The following ZC3H7B variants were observed in gnomAD, a reference collection of about 807,000 sequenced individuals.
ZC3H7B encodes zinc finger CCCH-type containing 7B.
A neutral mutation model predicts 116.0 loss-of-function variants in ZC3H7B; 35 were observed. The ratio of observed to expected loss-of-function variants is 0.30; its 90% CI spans 0.23 to 0.40. The LOEUF is 0.40. Among genes scored for constraint, ZC3H7B ranks in the 10% least tolerant of loss-of-function variants. The probability of loss-of-function intolerance (pLI) is 1.00; values close to 1 mark genes in which losing one functional copy is unlikely to be tolerated. For missense variants in ZC3H7B, 1,011 were observed against 1,321.5 expected (o/e 0.77, Z 3.64); for synonymous variants, 502 against 545.6 (o/e 0.92, Z 1.11).
At chr22:41,314,030 T>C (rs6002328) in intron 1 of ZC3H7B, among the ~76,000 whole-genome samples, 56,055 of 151,246 alleles carry the variant, frequency 0.37, 11,044 homozygotes, top group Admixed American at 0.52. Context: ...GCTCGGATTA[T>C]AGGCGTCAGC....
At position 41,330,142 on chromosome 22, in the gene ZC3H7B, G is replaced by T. The variant is rs750945310; in HGVS notation, c.525+39G>T. The T allele has an allele frequency of 3.7e-6, 6 of 1,608,988 alleles. No individual in the cohort carries two copies. In the African/African-American group the frequency reaches 8.0e-5, roughly 21 times the overall value. The stretch of plus-strand genomic sequence containing the variant: ...GGACCCTGGGAGGGTCGGTGTGGAC[G>T]TGAGGAGGTCTGAAGGGAGGGACCA... On this transcript the variant is annotated intron_variant, in intron 6 of 22. Transcript: ENST00000352645.
intron 11 of ZC3H7B, 56 bp from the exon 12 acceptor site, chr22:41,342,473 C>T: frequency 6.4e-7 from 1 of 1,565,128 alleles, no homozygotes; most frequent in Non-Finnish European, 8.8e-7. Flanking sequence ...CTGGCTGGCC[C>T]CAGTGGCCTC....
intron 1 of ZC3H7B, among the ~76,000 whole-genome samples, chr22:41,309,826 G>A (rs2036094648): frequency 6.6e-6 from 1 of 152,100 alleles, no homozygotes; most frequent in East Asian, 1.9e-4. Context: ...ATGGTTATTT[G>A]TTGAATAAAT....
intron 15 of ZC3H7B, 100 bp downstream of exon 15, chr22:41,348,267 T>C: frequency 9.4e-7 from 1 of 1,067,110 alleles, no homozygotes; most frequent in Non-Finnish European, 1.4e-6. Context: ...AAAGGGTGGA[T>C]GTAGGGTGCA....
At chr22:41,324,176 T>C (rs1156308255) in intron 2 of ZC3H7B, among the ~76,000 whole-genome samples, 2 of 151,830 alleles carry the variant, frequency 1.3e-5, no homozygotes, top group Non-Finnish European at 2.9e-5. Flanking sequence ...GATGGGGTCT[T>C]TAGTGGGGGC....
Position 41,357,827 on chromosome 22 carries a change from C to A in ZC3H7B, c.*398C>A. 3.9e-6 allele frequency: 1 copy of A among 253,232 alleles called. No individual in the cohort carries two copies. Among genetic ancestry groups the A allele is most frequent in the Non-Finnish European group, 7.7e-6 (1 of 129,098 alleles). The allele number at this position is 253,232 out of a possible 1,614,324, so 15.7% of individuals were successfully genotyped here. Reference sequence around the variant, plus strand: ...AGCAGGAGGGTCCTTCTCTCCCTGGCCCGTCCTCCTCCCACCCCCTCCCCC... The same window carrying A: ...AGCAGGAGGGTCCTTCTCTCCCTGGACCGTCCTCCTCCCACCCCCTCCCCC... On this transcript the variant is annotated 3_prime_UTR_variant, in exon 23 of 23. Transcript: ENST00000352645. The surrounding 1 kb of genome is among the most constrained non-coding windows in gnomAD (Gnocchi z 5.4).
intron 2 of ZC3H7B, among the ~76,000 whole-genome samples, chr22:41,324,354 C>T (rs1233737967): frequency 1.3e-5 from 2 of 152,204 alleles, no homozygotes; most frequent in African/African-American, 4.8e-5. Context: ...CCTCTGCCCA[C>T]CTCTCACGCA....
chr22:41,302,856 C>T lies in ZC3H7B; in HGVS notation c.-7+1084C>T, dbSNP rs903874373. Among the ~76,000 whole-genome samples, 3 of 151,596 alleles carry T rather than the reference C, an allele frequency of 2.0e-5. No individual in the cohort carries two copies. Among genetic ancestry groups the T allele is most frequent in the Admixed American group, 6.6e-5 (1 of 15,208 alleles). ...GGAGTCTGGGGGCTCTAAAAGGGGGCTGGGCCTGAGTGGGGAGCTGGTGAT... is the reference window on the plus strand; with the variant it reads ...GGAGTCTGGGGGCTCTAAAAGGGGGTTGGGCCTGAGTGGGGAGCTGGTGAT... On this transcript the variant is annotated intron_variant, in intron 1 of 22. Coordinates refer to ENST00000352645, the MANE Select transcript of ZC3H7B (RefSeq NM_017590.6). The surrounding 1 kb of genome is among the most constrained non-coding windows in gnomAD (Gnocchi z 5.7).
At chr22:41,318,494 A>C (rs1460697069) in intron 1 of ZC3H7B, among the ~76,000 whole-genome samples, 2 of 135,918 alleles carry the variant, frequency 1.5e-5, no homozygotes, top group African/African-American at 5.7e-5. Context: ...GTGCCACTGC[A>C]CTCCAGCCTG....
intron 1 of ZC3H7B, among the ~76,000 whole-genome samples, chr22:41,316,235 C>T (rs184079342): frequency 8.5e-5 from 13 of 152,104 alleles, no homozygotes; most frequent in South Asian, 2.1e-4. Context: ...TCAGGTTATC[C>T]GCCAACCTTG....
At chr22:41,313,951 C>T (rs1439477790) in intron 1 of ZC3H7B, among the ~76,000 whole-genome samples, 1 of 150,654 alleles carries the variant, frequency 6.6e-6, no homozygotes, top group Non-Finnish European at 1.5e-5. Flanking sequence ...GACGGGTTTT[C>T]ACTATGTTGG....
intron 10 of ZC3H7B, 55 bp downstream of exon 10, chr22:41,340,192 G>C (rs968703896): frequency 3.2e-5 from 48 of 1,514,672 alleles, no homozygotes; most frequent in Non-Finnish European, 4.3e-5. Context: ...ACAGTGCTGT[G>C]GCCTCTTTGG....
chr22:41,339,221 C>G (rs1184757015), intron 9 of ZC3H7B, 30 bp downstream of exon 9: 3 of 1,575,292 alleles, frequency 1.9e-6, no homozygotes, highest in Admixed American at 3.5e-5. Context: ...TTGTGCTCCC[C>G]TGATCCCCTC....
chr22:41,330,433 A>AT (rs2036367030), intron 6 of ZC3H7B, among the ~76,000 whole-genome samples: 1 of 152,098 alleles, frequency 6.6e-6, no homozygotes, highest in African/African-American at 2.4e-5. Context: ...TATGGTGCAA[A>AT]TTTGAAGTGT....
chr22:41,351,620 C>T lies in ZC3H7B; in HGVS notation c.2008C>T (p.His670Tyr). The change falls in exon 17 of 23, where the codon CAT becomes TAT. Residue 670 changes from histidine to tyrosine, a missense_variant. By Grantham distance (83) the His-to-Tyr change is moderately conservative. This residue lies in a region of ZC3H7B where 406 missense variants were observed against 590.2 expected (regional missense o/e 0.69). Coordinates refer to ENST00000352645, the MANE Select transcript of ZC3H7B (RefSeq NM_017590.6). The surrounding 1 kb of genome is among the most constrained non-coding windows in gnomAD (Gnocchi z 5.1). ...SKKYWQQMEAHAGKASSSMGA... is the reference protein window; with the variant it reads ...SKKYWQQMEAYAGKASSSMGA... ...GAAGTACTGGCAGCAGATGGAGGCGCATGCGGGGAAGGCCAGCAGCAGCAT... is the reference window on the plus strand; with the variant it reads ...GAAGTACTGGCAGCAGATGGAGGCGTATGCGGGGAAGGCCAGCAGCAGCAT... The T allele has an allele frequency of 6.2e-7, 1 of 1,613,972 alleles. No homozygotes were observed. Among genetic ancestry groups the T allele is most frequent in the Non-Finnish European group, 8.5e-7 (1 of 1,179,960 alleles).
Position 41,349,990 on chromosome 22 carries a change from A to G in ZC3H7B, c.1948+689A>G, listed in dbSNP as rs970782815. Among the ~76,000 whole-genome samples the G allele has an allele frequency of 3.3e-5, 5 of 152,154 alleles. No individual in the cohort carries two copies. Among genetic ancestry groups the G allele is most frequent in the Non-Finnish European group, 5.9e-5 (4 of 68,030 alleles). On this transcript the variant is annotated intron_variant, in intron 16 of 22. Coordinates refer to ENST00000352645, the MANE Select transcript of ZC3H7B (RefSeq NM_017590.6). This position sits in a 1 kb window ranked among gnomAD's most constrained non-coding sequence, Gnocchi z 4.9. Reference sequence around the variant, plus strand: ...TACATATAACATTCAGTGTCTGCTTAGAGTTGGTGAAATGCAGTGGTAGCA... The same window carrying G: ...TACATATAACATTCAGTGTCTGCTTGGAGTTGGTGAAATGCAGTGGTAGCA...
chr22:41,316,230 T>C (rs2036181585), intron 1 of ZC3H7B, among the ~76,000 whole-genome samples: 1 of 152,108 alleles, frequency 6.6e-6, no homozygotes, highest in Non-Finnish European at 1.5e-5. Context: ...CAACCTCAGG[T>C]TATCCGCCAA....
intron 2 of ZC3H7B, among the ~76,000 whole-genome samples, chr22:41,321,239 A>G (rs2036252697): frequency 1.4e-5 from 2 of 146,480 alleles, no homozygotes; most frequent in Non-Finnish European, 3.0e-5. Flanking sequence ...TTTTTGAGAC[A>G]GAGTCTTGCC....
chr22:41,327,423 C>T lies in ZC3H7B; in HGVS notation c.444+59C>T, dbSNP rs984839196. The T allele has an allele frequency of 3.0e-5, 48 of 1,580,082 alleles. No individual in the cohort carries two copies. Among genetic ancestry groups the T allele is most frequent in the Middle Eastern group, 2.1e-4 (1 of 4,660 alleles). On this transcript the variant is annotated intron_variant, in intron 5 of 22. Coordinates refer to ENST00000352645, the MANE Select transcript of ZC3H7B (RefSeq NM_017590.6). This position sits in a 1 kb window ranked among gnomAD's most constrained non-coding sequence, Gnocchi z 4.5. ...CTCAGAGGCCAGGCTTCTGACCTTC[C>T]GGCCCTCACTTGGGCCCAGCCACCA...
Sources: allele counts gnomAD v4.1 joint callset (sites outside exome capture counted in the v4.1 genomes callset), GRCh38; gene constraint gnomAD v4.1.1; regional missense constraint gnomAD v4.1.1; non-coding constraint Gnocchi (gnomAD v3.1); transcripts MANE v1.5; gene names NCBI Gene and HGNC (gene_info 2026-07-23, HGNC 2026-07-21).